MCUB: variants seen among roughly 807,000 people sequenced by gnomAD.
MCUB encodes mitochondrial calcium uniporter dominant negative subunit beta, also known as calcium uniporter regulatory subunit MCUb, mitochondrial.
MCUB carries 46 observed loss-of-function variants against 41.4 expected under a neutral mutation model. That is an observed-to-expected ratio of 1.11 (90% CI 0.88 to 1.42). The LOEUF (loss-of-function observed/expected upper bound fraction) is 1.42. Ranked by LOEUF, MCUB falls within the 40% of genes most tolerant of loss-of-function variation. The pLI, the probability that MCUB is intolerant of heterozygous loss-of-function variation, is 0.00. For missense variants in MCUB, 403 were observed against 404.9 expected, an observed-to-expected ratio of 1.00 and a Z score of 0.04; for synonymous variants, 148 against 148.2, an observed-to-expected ratio of 1.00 and a Z score of 0.01.
intron 1 of MCUB, among the ~76,000 whole-genome samples, chr4:109,617,293 G>A (rs1271458334): frequency 1.3e-5 from 2 of 152,166 alleles, no homozygotes; most frequent in Non-Finnish European, 1.5e-5. Context: ...TTTTTGGTAA[G>A]TTCTGTTTAG....
intron 4 of MCUB, among the ~76,000 whole-genome samples, chr4:109,680,973 A>C (rs192007150): frequency 2.9e-3 from 436 of 152,316 alleles, no homozygotes; most frequent in African/African-American, 9.9e-3. Flanking sequence ...AGGAGGTGGG[A>C]TGAGGGAAGT....
intron 1 of MCUB, among the ~76,000 whole-genome samples, chr4:109,626,605 A>C (rs1189362741): frequency 1.3e-5 from 2 of 152,004 alleles, no homozygotes; most frequent in Admixed American, 6.6e-5. Flanking sequence ...CTGAGGTCAG[A>C]AGTTTGAGAC....
chr4:109,583,175 C>T (rs1480292382), intron 1 of MCUB, among the ~76,000 whole-genome samples: 1 of 152,052 alleles, frequency 6.6e-6, no homozygotes, highest in Non-Finnish European at 1.5e-5. Flanking sequence ...TTTCATGATA[C>T]TGATTCTTCC....
chr4:109,603,756 CG>C (rs1309439084), intron 1 of MCUB, among the ~76,000 whole-genome samples: 220 of 151,564 alleles, frequency 1.5e-3, no homozygotes, highest in African/African-American at 5.1e-3. Flanking sequence ...GCAGCTGCCC[CG>C]TCTGGGAGGT....
chr4:109,609,942 C>T (rs1727967872), intron 1 of MCUB, among the ~76,000 whole-genome samples: 2 of 152,118 alleles, frequency 1.3e-5, no homozygotes, highest in Non-Finnish European at 2.9e-5. Context: ...TAGAAATCTG[C>T]CTGGTTCTCT....
chr4:109,610,527 C>G (rs1727983477), intron 1 of MCUB, among the ~76,000 whole-genome samples: 1 of 152,176 alleles, frequency 6.6e-6, no homozygotes, highest in Non-Finnish European at 1.5e-5. Context: ...TGTTCCCTTT[C>G]TAACCTGCTT....
At chr4:109,573,473 A>C (rs1579044587) in intron 1 of MCUB, among the ~76,000 whole-genome samples, 1 of 150,588 alleles carries the variant, frequency 6.6e-6, no homozygotes, top group Non-Finnish European at 1.5e-5. Context: ...AAAAAGGAAG[A>C]GTGGTAGAAA....
At chr4:109,625,162 T>A (rs1728335588) in intron 1 of MCUB, among the ~76,000 whole-genome samples, 1 of 151,856 alleles carries the variant, frequency 6.6e-6, no homozygotes, top group Non-Finnish European at 1.5e-5. Flanking sequence ...ATTTAAAATT[T>A]AAAAATTAAA....
At chr4:109,577,715 A>G (rs542775476) in intron 1 of MCUB, among the ~76,000 whole-genome samples, 731 of 59,900 alleles carry the variant, frequency 0.012, 177 homozygotes, top group African/African-American at 0.037. Context: ...GGTTCACGCC[A>G]TTCTCCTGCC....
At chr4:109,567,370 C>T (rs1381382811) in intron 1 of MCUB, among the ~76,000 whole-genome samples, 2 of 151,988 alleles carry the variant, frequency 1.3e-5, no homozygotes, top group Non-Finnish European at 2.9e-5. Context: ...CTGCATGGTA[C>T]TGTATGTGTT....
intron 1 of MCUB, among the ~76,000 whole-genome samples, chr4:109,580,215 T>G (rs1298453709): frequency 2.0e-5 from 3 of 152,240 alleles, no homozygotes; most frequent in Non-Finnish European, 2.9e-5. Flanking sequence ...GAACTCATCC[T>G]TTTTTATGGC....
intron 4 of MCUB, among the ~76,000 whole-genome samples, chr4:109,668,201 G>A (rs1441478672): frequency 1.3e-5 from 2 of 151,922 alleles, no homozygotes; most frequent in African/African-American, 4.8e-5. Context: ...TTTTCTGCTT[G>A]GCAGATCTGT....
chr4:109,642,898 T>A (rs907803954), intron 1 of MCUB, among the ~76,000 whole-genome samples: 7 of 149,418 alleles, frequency 4.7e-5, no homozygotes, highest in African/African-American at 9.8e-5. Flanking sequence ...GCTAGATTTT[T>A]TTTTTTTTTT....
chr4:109,578,343 T>C (rs1727081068), intron 1 of MCUB, among the ~76,000 whole-genome samples: 2 of 152,216 alleles, frequency 1.3e-5, no homozygotes, highest in Admixed American at 6.5e-5. Flanking sequence ...ATTTTCTGTA[T>C]GTACAATCTC....
chr4:109,578,267 G>A (rs1007563012), intron 1 of MCUB, among the ~76,000 whole-genome samples: 1 of 152,166 alleles, frequency 6.6e-6, no homozygotes, highest in Admixed American at 6.5e-5. Context: ...TATAGTTCTT[G>A]AAATCTGAAT....
Position 109,688,362 on chromosome 4 carries a change from G to C in MCUB, c.*770G>C, listed in dbSNP as rs911986595. The C allele has an allele frequency of 1.3e-5, 2 of 152,192 alleles. No individual in the cohort carries two copies. Among genetic ancestry groups the C allele is most frequent in the African/African-American group, 4.8e-5 (2 of 41,438 alleles). 9.4% of individuals were successfully genotyped at this position (152,192 alleles called of 1,614,324 possible). On this transcript the variant is annotated 3_prime_UTR_variant, in exon 8 of 8. Coordinates refer to ENST00000394650, the MANE Select transcript of MCUB (RefSeq NM_017918.5). Reference sequence around the variant, plus strand: ...CTGATGACTGTTGGACTGTTTGTAGGAACTTAACATGGAAGATGCTGACAG... The same window carrying C: ...CTGATGACTGTTGGACTGTTTGTAGCAACTTAACATGGAAGATGCTGACAG...
chr4:109,589,920 A>G (rs530174954), intron 1 of MCUB, among the ~76,000 whole-genome samples: 35 of 152,326 alleles, frequency 2.3e-4, no homozygotes, highest in African/African-American at 7.9e-4. Flanking sequence ...ATCATATCTT[A>G]GATAAGAATG....
At chr4:109,576,078 A>G (rs936674281) in intron 1 of MCUB, among the ~76,000 whole-genome samples, 1 of 152,176 alleles carries the variant, frequency 6.6e-6, no homozygotes, top group Admixed American at 6.5e-5. Flanking sequence ...ACCATTTTCT[A>G]CCATGTGGAC....
intron 1 of MCUB, among the ~76,000 whole-genome samples, chr4:109,616,923 C>CT (rs1728138295): frequency 1.3e-5 from 2 of 152,090 alleles, no homozygotes; most frequent in South Asian, 4.2e-4. Flanking sequence ...TGAACATGGG[C>CT]TTTAATTTTA....
Sources: gnomAD v4.1 joint callset for allele counts (sites outside exome capture counted in the v4.1 genomes callset) on GRCh38, gnomAD v4.1.1 for gene constraint, MANE v1.5 for transcripts, NCBI Gene and HGNC (gene_info 2026-07-23, HGNC 2026-07-21) for gene names.